Variants in CHAF1A observed in about 807,000 individuals in gnomAD.
CHAF1A encodes chromatin assembly factor 1 subunit A, also known as CAF-1 subunit A.
CHAF1A carries 5 observed loss-of-function variants against 93.2 expected under a neutral mutation model. The ratio of observed to expected loss-of-function variants is 0.05; its 90% CI spans 0.03 to 0.11. The LOEUF (loss-of-function observed/expected upper bound fraction) is 0.11, where lower values mean the gene tolerates loss of function less well. Among genes scored for constraint, CHAF1A ranks in the 10% least tolerant of loss-of-function variants. The pLI is 1.00. For missense variants in CHAF1A, 1,102 were observed against 1,259.9 expected (o/e 0.87, Z 1.90); for synonymous variants, 504 against 510.3 (o/e 0.99, Z 0.17).
chr19:4,428,444 G>A (rs1480255837), intron 7 of CHAF1A, among the ~76,000 whole-genome samples: 2 of 152,130 alleles, frequency 1.3e-5, no homozygotes, highest in Non-Finnish European at 2.9e-5. Context: ...CAGCTCCCTT[G>A]TAGTCTGTCC....
chr19:4,425,610 G>A (rs1261917180), intron 7 of CHAF1A, among the ~76,000 whole-genome samples: 4 of 152,128 alleles, frequency 2.6e-5, no homozygotes, highest in African/African-American at 7.2e-5. Flanking sequence ...GCCACCCACC[G>A]TGCTAGGATC....
chr19:4,420,434 G>A (rs922000846), intron 4 of CHAF1A, among the ~76,000 whole-genome samples: 11 of 152,176 alleles, frequency 7.2e-5, no homozygotes, highest in African/African-American at 2.6e-4. Context: ...GTAGAGACGG[G>A]GTTTCACCAT....
intron 6 of CHAF1A, 37 bp from the exon 7 acceptor site, chr19:4,423,769 C>T (rs1568436008): frequency 6.3e-7 from 1 of 1,597,078 alleles, no homozygotes; most frequent in Non-Finnish European, 8.6e-7. Context: ...GTTCCTCTTC[C>T]TCTCCTCTTT....
intron 4 of CHAF1A, among the ~76,000 whole-genome samples, chr19:4,421,681 TG>T (rs1310095628): frequency 1.3e-5 from 2 of 152,090 alleles, no homozygotes; most frequent in Non-Finnish European, 2.9e-5. Flanking sequence ...GAGCCTGAGG[TG>T]GGAGGATCAC....
chr19:4,431,191 C>G (rs539793866), intron 11 of CHAF1A: 1 of 153,148 alleles, frequency 6.5e-6, no homozygotes, highest in African/African-American at 2.4e-5. Flanking sequence ...TGCAATGGCC[C>G]GGTGTTGGCT....
At chr19:4,430,991 G>C (rs201692737) in intron 11 of CHAF1A, 1 of 242,096 alleles carries the variant, frequency 4.1e-6, no homozygotes, top group Non-Finnish European at 8.3e-6. Flanking sequence ...GTTTGATGAC[G>C]TAACAATCAA....
intron 13 of CHAF1A, among the ~76,000 whole-genome samples, chr19:4,438,750 G>A (rs1031497644): frequency 5.3e-5 from 8 of 152,162 alleles, no homozygotes; most frequent in Admixed American, 1.3e-4. Flanking sequence ...TTGGGAGGCC[G>A]AGGTGGGTGG....
At chr19:4,408,682 T>C (rs4807585) in intron 2 of CHAF1A, among the ~76,000 whole-genome samples, 2 of 151,258 alleles carry the variant, frequency 1.3e-5, no homozygotes, top group Non-Finnish European at 2.9e-5. Flanking sequence ...ACCATTTTGG[T>C]CTGGCTGGTC....
At chr19:4,427,556 G>A (rs934490996) in intron 7 of CHAF1A, among the ~76,000 whole-genome samples, 10 of 149,352 alleles carry the variant, frequency 6.7e-5, no homozygotes, top group Admixed American at 3.4e-4. Context: ...GGGACTACAG[G>A]TGCCCACCAC....
chr19:4,409,456 A>G lies in CHAF1A; in HGVS notation c.657A>G (p.Arg219=), dbSNP rs768072344. ...ELTSGPRMCP[R]KEQDSWSEAG... is the part of the protein sequence containing the mutation. ...CGAGTGGCCCGAGAATGTGCCCCAG[A>G]AAGGAGCAGGACAGTTGGAGTGAAG... The change falls in exon 3 of 15, where the codon AGA becomes AGG. Residue 219 remains arginine, a synonymous_variant. Coordinates refer to ENST00000301280, the MANE Select transcript of CHAF1A (RefSeq NM_005483.3). 17 of 1,614,026 alleles carry G rather than the reference A, an allele frequency of 1.1e-5. 1 individual carries two copies. The Admixed American group carries it at 2.7e-4, about 25-fold the overall frequency.
chr19:4,430,484 GT>G, intron 10 of CHAF1A, 64 bp from the exon 11 acceptor site: 1 of 1,159,100 alleles, frequency 8.6e-7, no homozygotes, highest in Non-Finnish European at 1.3e-6. Flanking sequence ...GGCCTACTTT[GT>G]TTTTAATAAG....
intron 13 of CHAF1A, among the ~76,000 whole-genome samples, chr19:4,436,937 T>G (rs191087488): frequency 2.6e-5 from 4 of 152,298 alleles, no homozygotes; most frequent in Admixed American, 2.6e-4. Context: ...GAGTGCCTGT[T>G]TATCATCCCT....
chr19:4,403,301 G>A (rs909427136), intron 1 of CHAF1A, among the ~76,000 whole-genome samples: 1 of 152,190 alleles, frequency 6.6e-6, no homozygotes, highest in Admixed American at 6.5e-5. Flanking sequence ...TGGCCAGGAG[G>A]GTGGGACTCC....
At chr19:4,419,111 C>T (rs934127588) in intron 4 of CHAF1A, among the ~76,000 whole-genome samples, 2 of 142,214 alleles carry the variant, frequency 1.4e-5, no homozygotes, top group Non-Finnish European at 3.0e-5. Context: ...AACTCCTGAG[C>T]TCAGGCAATC....
At chr19:4,403,212 C>T (rs1973618018) in intron 1 of CHAF1A, among the ~76,000 whole-genome samples, 1 of 140,468 alleles carries the variant, frequency 7.1e-6, no homozygotes, top group Non-Finnish European at 1.5e-5. Flanking sequence ...GGCCCAAGGT[C>T]GCACGGGCTC....
At chr19:4,414,391 C>G (rs948282583) in intron 3 of CHAF1A, among the ~76,000 whole-genome samples, 8 of 134,108 alleles carry the variant, frequency 6.0e-5, no homozygotes, top group South Asian at 2.5e-4. Flanking sequence ...ACAGCCAGAC[C>G]GTCTCAAAAA....
At chr19:4,418,346 GTATCCCATTGTAGCTTCAA>G (rs1599645820) in intron 4 of CHAF1A, among the ~76,000 whole-genome samples, 1 of 150,720 alleles carries the variant, frequency 6.6e-6, no homozygotes, top group Non-Finnish European at 1.5e-5. Context: ...TAATGGTTCA[GTATCCCATTGTAGCTTCAA>G]ATTACCTTCC....
At chr19:4,447,610 G>T, downstream of CHAF1A, 1 of 1,613,936 alleles carries the variant, frequency 6.2e-7, no homozygotes, top group South Asian at 1.1e-5. Context: ...GGTGCAGGTG[G>T]ATGTTGTCCA....
downstream of CHAF1A, chr19:4,445,527 G>C: frequency 6.2e-7 from 1 of 1,613,968 alleles, no homozygotes; most frequent in African/African-American, 1.3e-5. Flanking sequence ...GCTGACAGGA[G>C]CTCGGGTTTC....
Sources: gnomAD v4.1 joint callset for allele counts (sites outside exome capture counted in the v4.1 genomes callset) on GRCh38, gnomAD v4.1.1 for gene constraint, MANE v1.5 for transcripts, NCBI Gene and HGNC (gene_info 2026-07-23, HGNC 2026-07-21) for gene names.